Variants in FAM216B observed in about 807,000 individuals in gnomAD.
The protein encoded by FAM216B is family with sequence similarity 216 member B.
In FAM216B, 11 loss-of-function variants were observed where a neutral mutation model predicts 12.9. The ratio of observed to expected loss-of-function variants is 0.86; its 90% confidence interval spans 0.54 to 1.42. The LOEUF (loss-of-function observed/expected upper bound fraction) is 1.42, where lower values mean the gene tolerates loss of function less well. Ranked by LOEUF, FAM216B falls within the 40% of genes most tolerant of loss-of-function variation. FAM216B has a pLI of 0.00. For missense variants in FAM216B, 167 were observed against 162.9 expected (o/e 1.02, Z -0.14); for synonymous variants, 52 against 57.2 (o/e 0.91, Z 0.41).
intron 3 of FAM216B, among the ~76,000 whole-genome samples, chr13:42,787,206 C>T (rs528348397): frequency 8.5e-4 from 129 of 152,306 alleles, no homozygotes; most frequent in African/African-American, 3.0e-3. Context: ...CAGCTCAGCT[C>T]CTTGCTGTGT....
At position 42,784,171 on chromosome 13, in the gene FAM216B, G is replaced by A. The variant is rs369210248; in HGVS notation, c.99+5G>A. 1.3e-5 allele frequency: 12 copies of A among 948,660 alleles called. No homozygotes were observed. Among genetic ancestry groups the A allele is most frequent in the South Asian group, 5.5e-5 (3 of 54,968 alleles). The allele number at this position is 948,660 out of a possible 1,614,324, so 58.8% of individuals were successfully genotyped here. ...TATGACACTTCCTTACTAAAGGTAT[G>A]GCTTTTTTTTTTTTTTTTTTTTCAC... On this transcript the variant is annotated splice_donor_5th_base_variant and intron_variant, in intron 2 of 3. Coordinates refer to ENST00000313851, the MANE Select transcript of FAM216B (RefSeq NM_001318932.2).
Position 42,786,837 on chromosome 13 carries a change from C to T in FAM216B, c.174C>T (p.Ala58=), listed in dbSNP as rs927332025. The T allele has an allele frequency of 6.2e-7, 1 of 1,613,872 alleles. No homozygotes were observed. The highest frequency in any genetic ancestry group is 1.3e-5 in the African/African-American group (1 of 74,898). ...ACAACTCCAGGCCCCAGTGGGAGGC[C>T]CTGCAGACCCGCTACATTCACAGCC... ...RIYNSRPQWE[A]LQTRYIHSLQ... is the part of the protein sequence containing the mutation. Residue 58 remains alanine (A), a synonymous_variant, in exon 3 of 4, where the codon GCC becomes GCT. Coordinates refer to ENST00000313851, the MANE Select transcript of FAM216B (RefSeq NM_001318932.2).
chr13:42,782,991 C>A lies in FAM216B; in HGVS notation c.-14-1063C>A, dbSNP rs77894066. ...CTTTTCTAAAATTACACACAATGTA[C>A]ACAGAAAAAAAAAATAAATAAATAA... On this transcript the variant is annotated intron_variant, in intron 1 of 3. Transcript: ENST00000313851. 4.4e-3 allele frequency among the ~76,000 whole-genome samples: 662 copies of A among 149,818 alleles called. 1 individual carries two copies. Among genetic ancestry groups the A allele is most frequent in the African/African-American group, 0.016 (642 of 41,010 alleles).
Position 42,788,934 on chromosome 13 carries a change from T to C in FAM216B, c.*144T>C. ...AAAATAATCTCTGATTCATATAAAT[T>C]TTGCCAGCAAGACCAAGAGGTTTAA... On this transcript the variant is annotated 3_prime_UTR_variant, in exon 4 of 4. Transcript: ENST00000313851. 1 of 899,062 alleles carries C rather than the reference T, an allele frequency of 1.1e-6. No homozygotes were observed. The highest frequency in any genetic ancestry group is 1.6e-6 in the Non-Finnish European group (1 of 628,264). The allele number at this position is 899,062 out of a possible 1,614,324, so 55.7% of individuals were successfully genotyped here. A position where few individuals can be genotyped will look rare whatever the true frequency, so the allele number is the denominator to read the frequency against.
At chr13:42,785,953 A>G (rs1874069749) in intron 2 of FAM216B, among the ~76,000 whole-genome samples, 1 of 152,122 alleles carries the variant, frequency 6.6e-6, no homozygotes, top group South Asian at 2.1e-4. Context: ...ACAATAAAAA[A>G]ATTTTGCAGG....
rs1279325380 is a variant in FAM216B, at chr13:42,789,742, T to A, written c.*952T>A. 2.0e-5 allele frequency: 3 copies of A among 152,018 alleles called. No homozygotes were observed. The highest frequency in any genetic ancestry group is 2.9e-5 in the Non-Finnish European group (2 of 68,012). The allele number at this position is 152,018 out of a possible 1,614,324, so 9.4% of individuals were successfully genotyped here. A position where few individuals can be genotyped will look rare whatever the true frequency, so the allele number is the denominator to read the frequency against. ...TTCTTCCTCATCATTGTAAAATACG[T>A]CACCCCATTCAAATCAGCTGATGCC... On this transcript the variant is annotated 3_prime_UTR_variant, in exon 4 of 4. Coordinates refer to ENST00000313851, the MANE Select transcript of FAM216B (RefSeq NM_001318932.2).
In FAM216B at chr13:42,789,058, A is replaced by C. The variant is rs982766899; in HGVS notation, c.*268A>C. On this transcript the variant is annotated 3_prime_UTR_variant, in exon 4 of 4. Coordinates refer to ENST00000313851, the MANE Select transcript of FAM216B (RefSeq NM_001318932.2). ...AAGTAAAAGTTTACTTTGGATTAGA[A>C]CCTCCTAGAGAAGTCCCCAAAACAG... The C allele has an allele frequency of 6.9e-6, 2 of 289,998 alleles. No individual in the cohort carries two copies. The highest frequency in any genetic ancestry group is 1.3e-5 in the Non-Finnish European group (2 of 152,422). 18.0% of individuals were successfully genotyped at this position (289,998 alleles called of 1,614,324 possible).
intron 1 of FAM216B, among the ~76,000 whole-genome samples, chr13:42,782,138 T>C (rs1302748396): frequency 6.6e-6 from 1 of 152,242 alleles, no homozygotes; most frequent in Non-Finnish European, 1.5e-5. Context: ...TGACTAATGT[T>C]TTCCTAATAA....
intron 1 of FAM216B, 139 bp downstream of exon 1, chr13:42,781,803 A>T (rs927683155): frequency 2.0e-5 from 3 of 152,244 alleles, no homozygotes; most frequent in Non-Finnish European, 4.4e-5. Context: ...AAATTTATTC[A>T]GCAGTAGCCC....
rs751722465 is a variant in FAM216B, at chr13:42,788,573, C to T, written c.221-18C>T. Reference sequence around the variant, plus strand: ...TAAAATTGTTGATTTTGAAGTTTCTCTCATTTCTTTCCCCTAGGCTATATT... The same window carrying T: ...TAAAATTGTTGATTTTGAAGTTTCTTTCATTTCTTTCCCCTAGGCTATATT... On this transcript the variant is annotated intron_variant, in intron 3 of 3. Transcript: ENST00000313851. 3 of 1,540,490 alleles carry T rather than the reference C, an allele frequency of 1.9e-6. No individual in the cohort carries two copies. The highest frequency in any genetic ancestry group is 2.6e-6 in the Non-Finnish European group (3 of 1,140,998).
chr13:42,784,588 C>A (rs1247281938), intron 2 of FAM216B, among the ~76,000 whole-genome samples: 1 of 139,754 alleles, frequency 7.2e-6, no homozygotes, highest in Non-Finnish European at 1.5e-5. Context: ...GAGGCCGAGG[C>A]GGGTGGATCA....
intron 2 of FAM216B, among the ~76,000 whole-genome samples, chr13:42,784,402 G>A (rs1407343317): frequency 6.6e-6 from 1 of 151,962 alleles, no homozygotes; most frequent in African/African-American, 2.4e-5. Context: ...CCTCTTCGTG[G>A]CTGACCCACT....
At position 42,786,829 on chromosome 13, in the gene FAM216B, T is replaced by G. The variant is rs779487010; in HGVS notation, c.166T>G (p.Trp56Gly). The G allele has an allele frequency of 5.0e-6, 8 of 1,614,074 alleles. No homozygotes were observed. Among genetic ancestry groups the G allele is most frequent in the Non-Finnish European group, 6.8e-6 (8 of 1,179,952 alleles). Residue 56 changes from tryptophan (W) to glycine (G), a missense_variant, in exon 3 of 4, where the codon TGG (tryptophan) becomes GGG (glycine). Transcript: ENST00000313851. ...GAGGATTTACAACTCCAGGCCCCAG[T>G]GGGAGGCCCTGCAGACCCGCTACAT... ...IMRIYNSRPQ[W>G]EALQTRYIHS...
In FAM216B at chr13:42,791,255, A is replaced by G. The variant is rs1048435322; in HGVS notation, c.*2465A>G. The G allele has an allele frequency of 6.6e-6, 1 of 152,208 alleles. No homozygotes were observed. Among genetic ancestry groups the G allele is most frequent in the African/African-American group, 2.4e-5 (1 of 41,458 alleles). The allele number at this position is 152,208 out of a possible 1,614,324, so 9.4% of individuals were successfully genotyped here. A position where few individuals can be genotyped will look rare whatever the true frequency, so the allele number is the denominator to read the frequency against. On this transcript the variant is annotated 3_prime_UTR_variant, in exon 4 of 4. Transcript: ENST00000313851. ...GTAAGCTTCAAAGTAGCACATTTGT[A>G]CTGTTTTTCTTCAATAATCATTTTA... is the stretch of plus-strand genomic sequence containing the variant.
At chr13:42,784,991 G>A (rs1400727979) in intron 2 of FAM216B, among the ~76,000 whole-genome samples, 1 of 152,068 alleles carries the variant, frequency 6.6e-6, no homozygotes, top group East Asian at 1.9e-4. Flanking sequence ...AAAGAGGTAG[G>A]CATTTTCTGC....
At chr13:42,782,936 A>G (rs1379611428) in intron 1 of FAM216B, among the ~76,000 whole-genome samples, 3 of 152,208 alleles carry the variant, frequency 2.0e-5, no homozygotes, top group Non-Finnish European at 2.9e-5. Flanking sequence ...GATCTGAGAA[A>G]GTGCACAAAA....
At chr13:42,782,706 C>G (rs1166851724) in intron 1 of FAM216B, among the ~76,000 whole-genome samples, 1 of 152,138 alleles carries the variant, frequency 6.6e-6, no homozygotes, top group Non-Finnish European at 1.5e-5. Context: ...ATTATACACA[C>G]TTCAGACTCT....
chr13:42,789,636 T>TTGTGTGTGTGTGTGTGTG lies in FAM216B; in HGVS notation c.*862_*879dup, dbSNP rs61051465. On this transcript the variant is annotated 3_prime_UTR_variant, in exon 4 of 4. Coordinates refer to ENST00000313851, the MANE Select transcript of FAM216B (RefSeq NM_001318932.2). ...ATGGTTATTTTCATCACCAGAGATTTTGTGTGTGTGTGTGTGTGTGTGTGT... is the reference window on the plus strand; with the variant it reads ...ATGGTTATTTTCATCACCAGAGATTTTGTGTGTGTGTGTGTGTGTGTGTGTGTGTGTGTGTGTGTGTGT... The TTGTGTGTGTGTGTGTGTG allele has an allele frequency of 1.3e-5, 2 of 150,260 alleles. No homozygotes were observed. Among genetic ancestry groups the TTGTGTGTGTGTGTGTGTG allele is most frequent in the African/African-American group, 4.9e-5 (2 of 40,834 alleles). The allele number at this position is 150,260 out of a possible 1,614,324, so 9.3% of individuals were successfully genotyped here.
Position 42,788,606 on chromosome 13 carries a change from G to A in FAM216B, c.236G>A (p.Arg79Gln), listed in dbSNP as rs760352147. 106 of 1,612,456 alleles carry A rather than the reference G, an allele frequency of 6.6e-5. No individual in the cohort carries two copies. The highest frequency in any genetic ancestry group is 6.9e-5 in the Non-Finnish European group (81 of 1,179,262). ...TTTCCCCTAGGCTATATTACTCAAC[G>A]GGAAGCCTTGTCTTATGCTCTTGTA... ...HQQLLGYITQ[R>Q]EALSYALVLR... Residue 79 changes from arginine to glutamine, a missense_variant, in exon 4 of 4, where the codon CGG becomes CAG. By Grantham distance (43) the Arg-to-Gln change is conservative (BLOSUM62 1). Transcript: ENST00000313851.
Sources: allele counts gnomAD v4.1 joint callset (sites outside exome capture counted in the v4.1 genomes callset), GRCh38; gene constraint gnomAD v4.1.1; transcripts MANE v1.5; gene names NCBI Gene and HGNC (gene_info 2026-07-23, HGNC 2026-07-21).